COPS4: variants seen among roughly 807,000 people sequenced by gnomAD.
The protein encoded by COPS4 is COP9 signalosome complex subunit 4.
A neutral mutation model predicts 55.1 loss-of-function variants in COPS4; 8 were observed. The observed-to-expected ratio is 0.15, with a 90% CI of 0.09 to 0.26. The LOEUF is 0.26. Ranked by LOEUF, COPS4 falls within the 10% of genes least tolerant of loss-of-function variation. The pLI is 1.00. For missense variants in COPS4, 248 were observed against 484.0 expected (o/e 0.51, Z 4.58); for synonymous variants, 185 against 165.7 (o/e 1.12, Z -0.90).
chr4:83,058,021 CAAAA>C (rs918820292), intron 6 of COPS4, among the ~76,000 whole-genome samples: 4 of 144,996 alleles, frequency 2.8e-5, no homozygotes, highest in African/African-American at 1.0e-4. Flanking sequence ...CAGAGTGAAA[CAAAA>C]ATTAAAATCT....
At chr4:83,035,421 C>A (rs1327848289) in intron 1 of COPS4, 123 bp downstream of exon 1, 3 of 779,572 alleles carry the variant, frequency 3.8e-6, no homozygotes, top group Admixed American at 2.4e-5. Flanking sequence ...TCCAAGGGGG[C>A]GGGCCTGAGG....
intron 4 of COPS4, among the ~76,000 whole-genome samples, chr4:83,053,542 T>C (rs1053390262): frequency 6.6e-6 from 1 of 152,044 alleles, no homozygotes; most frequent in Non-Finnish European, 1.5e-5. Flanking sequence ...AGAAAAACAA[T>C]TTTAAAAAAT....
At position 83,053,132 on chromosome 4, in the gene COPS4, C is replaced by A. The variant is rs141651804; in HGVS notation, c.410+3148C>A. On this transcript the variant is annotated intron_variant, in intron 4 of 9. Coordinates refer to ENST00000264389, the MANE Select transcript of COPS4 (RefSeq NM_016129.3). ...TGCTTGTAGTCCTGGCTACAAGCCT[C>A]AGTCCCAGCGGAGGTGGGAGGATCT... Among the ~76,000 whole-genome samples, 1,369 of 152,074 alleles carry A rather than the reference C, an allele frequency of 9.0e-3. 33 individuals are homozygous for A. The highest frequency in any genetic ancestry group is 0.03 in the African/African-American group (1,263 of 41,444).
intron 1 of COPS4, among the ~76,000 whole-genome samples, chr4:83,041,848 T>C (rs1436730864): frequency 1.3e-5 from 2 of 152,124 alleles, no homozygotes; most frequent in Admixed American, 6.5e-5. Context: ...CTTTTGTTTT[T>C]GTATTATTGT....
chr4:83,037,206 C>T (rs911212359), intron 1 of COPS4, among the ~76,000 whole-genome samples: 1 of 152,138 alleles, frequency 6.6e-6, no homozygotes, highest in African/African-American at 2.4e-5. Flanking sequence ...TTCTTAGGTG[C>T]CTATGAGAGG....
At chr4:83,057,474 C>G in intron 6 of COPS4, 66 bp downstream of exon 6, 1 of 1,372,742 alleles carries the variant, frequency 7.3e-7, no homozygotes, top group Non-Finnish European at 9.7e-7. Flanking sequence ...AGGTTGGTTA[C>G]TGTTGGAAAA....
intron 6 of COPS4, 28 bp downstream of exon 6, chr4:83,057,436 T>A (rs771622016): frequency 4.5e-5 from 68 of 1,519,648 alleles, no homozygotes; most frequent in Non-Finnish European, 5.6e-5. Context: ...TATACTTAAA[T>A]GAACAGTTAT....
chr4:83,050,105 A>G (rs916894061), intron 4 of COPS4, 121 bp downstream of exon 4: 2 of 630,020 alleles, frequency 3.2e-6, no homozygotes, highest in Non-Finnish European at 5.3e-6. Context: ...ATTGTGTAGT[A>G]TGTTAGAAGG....
At chr4:83,046,538 T>C (rs1375134438) in intron 2 of COPS4, among the ~76,000 whole-genome samples, 12 of 152,256 alleles carry the variant, frequency 7.9e-5, no homozygotes, top group Admixed American at 7.9e-4. Context: ...ACTTAACTTA[T>C]GTGTGAATCA....
chr4:83,055,433 A>G (rs1578712311), intron 4 of COPS4, among the ~76,000 whole-genome samples: 1 of 136,522 alleles, frequency 7.3e-6, no homozygotes, highest in Non-Finnish European at 1.5e-5. Context: ...GATTATAACT[A>G]TACAGTATTC....
intron 1 of COPS4, among the ~76,000 whole-genome samples, chr4:83,041,355 G>A (rs13108657): frequency 0.18 from 26,997 of 151,508 alleles, 2,580 homozygotes; most frequent in South Asian, 0.3. Flanking sequence ...GAGCCACTGC[G>A]CCCGGCCAAA....
intron 6 of COPS4, among the ~76,000 whole-genome samples, chr4:83,059,101 A>G (rs939394287): frequency 6.0e-5 from 9 of 151,104 alleles, no homozygotes; most frequent in African/African-American, 2.2e-4. Flanking sequence ...TGAATTATAC[A>G]TTTATGTTGA....
At position 83,068,485 on chromosome 4, in the gene COPS4, A is replaced by G. The variant is rs1182065327; in HGVS notation, c.1050A>G (p.Gly350=). The G allele has an allele frequency of 3.1e-6, 5 of 1,611,688 alleles. No homozygotes were observed. The African/African-American group carries it at 6.7e-5, about 22-fold the overall frequency. The change falls in exon 9 of 10, where the codon GGA becomes GGG. Residue 350 remains glycine, a synonymous_variant. Transcript: ENST00000264389. ...TGATAACCGAAGGACGTATGAATGG[A>G]TTTATTGACCAGATTGATGGAATAG... ...SQMITEGRMN[G]FIDQIDGIVH...
chr4:83,056,837 T>C lies in COPS4; in HGVS notation c.411-89T>C, dbSNP rs868842615. On this transcript the variant is annotated intron_variant, in intron 4 of 9. Coordinates refer to ENST00000264389, the MANE Select transcript of COPS4 (RefSeq NM_016129.3). ...GATTCCCTTACGGTACCAGAATATA[T>C]ATCAGGAAAAAACAACATATCTTCT... 37 of 1,104,822 alleles carry C rather than the reference T, an allele frequency of 3.3e-5. No homozygotes were observed. In the African/African-American group the frequency reaches 5.2e-4, roughly 16 times the overall value. 68.4% of individuals were successfully genotyped at this position (1,104,822 alleles called of 1,614,324 possible).
At chr4:83,038,897 C>T (rs964366452) in intron 1 of COPS4, among the ~76,000 whole-genome samples, 18 of 152,240 alleles carry the variant, frequency 1.2e-4, no homozygotes, top group Admixed American at 9.8e-4. Flanking sequence ...CCTGCCTTGG[C>T]CTCCCAAAGT....
intron 1 of COPS4, among the ~76,000 whole-genome samples, chr4:83,041,898 T>C (rs1374983669): frequency 6.6e-6 from 1 of 151,796 alleles, no homozygotes; most frequent in Non-Finnish European, 1.5e-5. Flanking sequence ...AGAATTTCGC[T>C]CTGTCACCCA....
intron 7 of COPS4, among the ~76,000 whole-genome samples, 163 bp downstream of exon 7, chr4:83,063,409 A>ATT (rs5859856): frequency 6.6e-6 from 1 of 150,574 alleles, no homozygotes; most frequent in East Asian, 1.9e-4. Flanking sequence ...AATTTATAAA[A>ATT]TTTTTTTTGA....
chr4:83,074,223 G>A (rs1049820985), intron 9 of COPS4, among the ~76,000 whole-genome samples: 8 of 152,236 alleles, frequency 5.3e-5, no homozygotes, highest in Admixed American at 1.3e-4. Flanking sequence ...GAATCTGCAA[G>A]CCTTGGTGAT....
Position 83,049,214 on chromosome 4 carries a change from A to G in COPS4, c.203A>G (p.Asp68Gly). ...GTGATCTCGCGGCAGTTGCTGACTG[A>G]TTTTTGCACACATCTTCCTAACTTG... ...SLVISRQLLT[D>G]FCTHLPNLPD... is the part of the protein sequence containing the mutation. The change falls in exon 3 of 10, where the codon GAT (aspartate) becomes GGT (glycine). Residue 68 changes from aspartate to glycine, a missense_variant. Asp to Gly is a moderately conservative substitution (Grantham distance 94, BLOSUM62 -1). Coordinates refer to ENST00000264389, the MANE Select transcript of COPS4 (RefSeq NM_016129.3). 1 of 1,608,878 alleles carries G rather than the reference A, an allele frequency of 6.2e-7. No individual in the cohort carries two copies. The highest frequency in any genetic ancestry group is 8.5e-7 in the Non-Finnish European group (1 of 1,178,632).
Sources: gnomAD v4.1 joint callset for allele counts (sites outside exome capture counted in the v4.1 genomes callset) on GRCh38, gnomAD v4.1.1 for gene constraint, MANE v1.5 for transcripts, NCBI Gene and HGNC (gene_info 2026-07-23, HGNC 2026-07-21) for gene names.